PARD3: variants seen among roughly 807,000 people sequenced by gnomAD.
PARD3 encodes the protein par-3 family cell polarity regulator.
In PARD3, 75 loss-of-function variants were observed where a neutral mutation model predicts 155.4. The observed-to-expected ratio is 0.48, with a 90% confidence interval of 0.40 to 0.58. PARD3 has a LOEUF of 0.58. PARD3 is among the 20% of genes least tolerant of loss of function. The pLI, the probability that PARD3 is intolerant of heterozygous loss-of-function variation, is 0.00. For missense variants in PARD3, 1,642 were observed against 1,721.7 expected (o/e 0.95, Z 0.82); for synonymous variants, 576 against 610.5 (o/e 0.94, Z 0.83).
At chr10:34,441,800 A>T (rs2076477927) in intron 5 of PARD3, among the ~76,000 whole-genome samples, 1 of 152,150 alleles carries the variant, frequency 6.6e-6, no homozygotes, top group South Asian at 2.1e-4. Flanking sequence ...TTAAAAAATA[A>T]TTTTAACACG....
At chr10:34,615,994 TG>T (rs2091227331) in intron 2 of PARD3, among the ~76,000 whole-genome samples, 1 of 152,082 alleles carries the variant, frequency 6.6e-6, no homozygotes, top group Admixed American at 6.6e-5. Flanking sequence ...GCACCCCTGG[TG>T]GGAATGCAAA....
intron 1 of PARD3, among the ~76,000 whole-genome samples, chr10:34,812,207 A>G (rs1844271607): frequency 6.6e-6 from 1 of 152,230 alleles, no homozygotes; most frequent in African/African-American, 2.4e-5. Flanking sequence ...TACTGCAGAG[A>G]AAGCCTTGGT....
In PARD3 at chr10:34,457,371, C is replaced by T. The variant is rs116907098; in HGVS notation, c.583-6923G>A. ...GGATGCTCGTTTGAACCAATTTTCT[C>T]AGCTGTTCCTAATCCACTTTGACAG... On this transcript the variant is annotated intron_variant, in intron 4 of 24. Coordinates refer to ENST00000374788, the MANE Select transcript of PARD3 (RefSeq NM_001184785.2). Among the ~76,000 whole-genome samples the T allele has an allele frequency of 2.7e-4, 41 of 152,324 alleles. No homozygotes were observed. The East Asian group carries it at 7.5e-3, about 28-fold the overall frequency.
At chr10:34,627,887 T>C (rs866129975) in intron 2 of PARD3, among the ~76,000 whole-genome samples, 4 of 152,062 alleles carry the variant, frequency 2.6e-5, no homozygotes, top group African/African-American at 9.7e-5. Flanking sequence ...CAGGAAGAAA[T>C]GATGGGCAGA....
intron 22 of PARD3, among the ~76,000 whole-genome samples, chr10:34,142,576 AG>A (rs1948245632): frequency 6.8e-6 from 1 of 146,090 alleles, no homozygotes; most frequent in African/African-American, 2.5e-5. Flanking sequence ...GGGAAAGGAA[AG>A]GAAGCGGGGG....
chr10:34,665,792 G>C (rs1017308448), intron 2 of PARD3, among the ~76,000 whole-genome samples: 1 of 147,730 alleles, frequency 6.8e-6, no homozygotes, highest in Non-Finnish European at 1.5e-5. Context: ...GAGCCAAGAC[G>C]GCGCCACTGC....
At chr10:34,702,631 C>T (rs2094300170) in intron 1 of PARD3, among the ~76,000 whole-genome samples, 2 of 152,174 alleles carry the variant, frequency 1.3e-5, no homozygotes, top group South Asian at 4.1e-4. Flanking sequence ...AAATCCAGCC[C>T]TCTGCTTCCA....
intron 14 of PARD3, among the ~76,000 whole-genome samples, chr10:34,354,868 C>G (rs1009013647): frequency 6.6e-6 from 1 of 152,060 alleles, no homozygotes; most frequent in Non-Finnish European, 1.5e-5. Context: ...CAGGGACTGA[C>G]GTGATTAATG....
intron 24 of PARD3, among the ~76,000 whole-genome samples, chr10:34,112,694 C>T (rs558579374): frequency 6.6e-6 from 1 of 152,350 alleles, no homozygotes; most frequent in South Asian, 2.1e-4. Context: ...TGGGAAGCCA[C>T]TGCATCTCCC....
intron 2 of PARD3, among the ~76,000 whole-genome samples, chr10:34,617,235 C>G (rs139156746): frequency 3.3e-5 from 5 of 151,410 alleles, no homozygotes; most frequent in Admixed American, 3.3e-4. Context: ...CCAGCCTGGG[C>G]GACAGAGCAA....
intron 4 of PARD3, among the ~76,000 whole-genome samples, chr10:34,463,764 A>C (rs1373700332): frequency 6.6e-6 from 1 of 152,250 alleles, no homozygotes; most frequent in Non-Finnish European, 1.5e-5. Context: ...TGGTGATCAC[A>C]TAAGATTAAA....
chr10:34,216,250 T>C (rs1004374027), intron 22 of PARD3, among the ~76,000 whole-genome samples: 14 of 152,208 alleles, frequency 9.2e-5, no homozygotes, highest in African/African-American at 3.4e-4. Flanking sequence ...TATACCACTT[T>C]AACAATAAGC....
rs185028506 is a variant in PARD3, at chr10:34,227,043, G to A, written c.3419+42614C>T. On this transcript the variant is annotated intron_variant, in intron 22 of 24. Coordinates refer to ENST00000374788, the MANE Select transcript of PARD3 (RefSeq NM_001184785.2). ...AATGGGACCTAATTAAACAGCTTCC[G>A]CGCAACAAAAGAAACTATCAACAGA... 4.1e-3 allele frequency among the ~76,000 whole-genome samples: 623 copies of A among 152,230 alleles called. 3 individuals carry two copies. The highest frequency in any genetic ancestry group is 6.0e-3 in the Non-Finnish European group (410 of 68,002).
intron 1 of PARD3, among the ~76,000 whole-genome samples, chr10:34,777,019 T>A (rs896937905): frequency 1.3e-5 from 2 of 149,092 alleles, no homozygotes; most frequent in Non-Finnish European, 3.0e-5. Flanking sequence ...TTTTTTTTTT[T>A]TTTTTGTATC....
intron 4 of PARD3, among the ~76,000 whole-genome samples, chr10:34,460,040 C>T (rs1366932543): frequency 6.6e-6 from 1 of 152,126 alleles, no homozygotes; most frequent in Non-Finnish European, 1.5e-5. Context: ...TCTTATCCTA[C>T]ATATTGTTTC....
intron 22 of PARD3, among the ~76,000 whole-genome samples, chr10:34,186,768 G>C (rs1026703756): frequency 1.3e-5 from 2 of 152,112 alleles, no homozygotes; most frequent in African/African-American, 4.8e-5. Context: ...TCTGCCCACA[G>C]ACCTTCTGGT....
chr10:34,734,288 T>C (rs1007936184), intron 1 of PARD3, among the ~76,000 whole-genome samples: 22 of 150,264 alleles, frequency 1.5e-4, no homozygotes, highest in Admixed American at 1.3e-3. Flanking sequence ...ATTCCCATCA[T>C]TGAAGATTAC....
chr10:34,682,745 A>G (rs2093868305), intron 2 of PARD3, among the ~76,000 whole-genome samples: 1 of 152,236 alleles, frequency 6.6e-6, no homozygotes, highest in Non-Finnish European at 1.5e-5. Context: ...ACAAAAAGCC[A>G]GGCATGGTGA....
chr10:34,287,217 A>G (rs1481211878), intron 20 of PARD3, among the ~76,000 whole-genome samples: 2 of 152,218 alleles, frequency 1.3e-5, no homozygotes, highest in Non-Finnish European at 2.9e-5. Context: ...ACAAATCCTA[A>G]CTTCCAGAAA....
Sources: allele counts gnomAD v4.1 joint callset (sites outside exome capture counted in the v4.1 genomes callset), GRCh38; gene constraint gnomAD v4.1.1; transcripts MANE v1.5; gene names NCBI Gene and HGNC (gene_info 2026-07-23, HGNC 2026-07-21).